Variants in SPOCK3 observed in about 807,000 individuals in gnomAD.
SPOCK3 encodes the protein SPARC (osteonectin), cwcv and kazal like domains proteoglycan 3, also known as testican-3.
Under a neutral mutation model 56.6 loss-of-function variants are expected in SPOCK3, and 30 were observed. That is an observed-to-expected ratio of 0.53 (90% confidence interval 0.40 to 0.72). The LOEUF (loss-of-function observed/expected upper bound fraction) is 0.72, where lower values mean the gene tolerates loss of function less well. Ranked by LOEUF, SPOCK3 falls within the 30% of genes least tolerant of loss-of-function variation. The pLI, the probability that SPOCK3 is intolerant of heterozygous loss-of-function variation, is 0.00. For synonymous variants in SPOCK3, 196 were observed against 183.3 expected, an observed-to-expected ratio of 1.07 and a Z score of -0.56; for missense variants, 527 against 530.0, an observed-to-expected ratio of 0.99 and a Z score of 0.06.
intron 6 of SPOCK3, among the ~76,000 whole-genome samples, chr4:166,865,408 A>G (rs894608063): frequency 5.9e-5 from 9 of 152,190 alleles, no homozygotes; most frequent in Admixed American, 3.3e-4. Context: ...CCTATTCAAC[A>G]TAGTATTGGA....
chr4:167,043,235 T>C (rs1753392746), intron 3 of SPOCK3, among the ~76,000 whole-genome samples: 1 of 152,066 alleles, frequency 6.6e-6, no homozygotes, highest in South Asian at 2.1e-4. Flanking sequence ...TCCTAGAGGG[T>C]ACTAATGTAA....
chr4:167,125,878 A>G (rs1762236494), intron 2 of SPOCK3, among the ~76,000 whole-genome samples: 1 of 152,100 alleles, frequency 6.6e-6, no homozygotes, highest in South Asian at 2.1e-4. Flanking sequence ...TTCATGTTCT[A>G]AGATGATCCC....
At chr4:167,061,247 C>A (rs1411280848) in intron 3 of SPOCK3, among the ~76,000 whole-genome samples, 2 of 151,942 alleles carry the variant, frequency 1.3e-5, no homozygotes, top group African/African-American at 4.8e-5. Flanking sequence ...GTTTGTGATT[C>A]TATCATAAAA....
intron 3 of SPOCK3, among the ~76,000 whole-genome samples, chr4:167,028,129 A>G (rs1302259256): frequency 2.0e-5 from 3 of 151,920 alleles, no homozygotes; most frequent in Non-Finnish European, 4.4e-5. Context: ...AAAATTTTGT[A>G]TCACTTAAGA....
intron 3 of SPOCK3, among the ~76,000 whole-genome samples, chr4:167,020,231 C>T (rs1309900798): frequency 6.6e-6 from 1 of 151,970 alleles, no homozygotes; most frequent in Non-Finnish European, 1.5e-5. Context: ...ATATGGAAAC[C>T]CATGCATTCA....
intron 3 of SPOCK3, among the ~76,000 whole-genome samples, chr4:167,003,871 C>T (rs746830162): frequency 2.6e-5 from 4 of 152,198 alleles, no homozygotes; most frequent in Non-Finnish European, 4.4e-5. Flanking sequence ...AGCGTCATTA[C>T]ATTCGCAGTG....
chr4:166,764,044 G>A (rs1737607767), intron 7 of SPOCK3, among the ~76,000 whole-genome samples: 1 of 151,978 alleles, frequency 6.6e-6, no homozygotes, highest in African/African-American at 2.4e-5. Context: ...TTGATGGTTT[G>A]GGGCCCTTGA....
intron 4 of SPOCK3, among the ~76,000 whole-genome samples, chr4:166,954,205 C>G (rs1192676277): frequency 6.6e-6 from 1 of 152,060 alleles, no homozygotes; most frequent in Non-Finnish European, 1.5e-5. Flanking sequence ...TGTATGTTAA[C>G]CCCTTATCAG....
chr4:166,741,479 T>A (rs1734839474), intron 9 of SPOCK3, among the ~76,000 whole-genome samples: 1 of 152,164 alleles, frequency 6.6e-6, no homozygotes. Flanking sequence ...ATCCAAACAT[T>A]CAAATATTTC....
intron 5 of SPOCK3, among the ~76,000 whole-genome samples, chr4:166,902,525 C>T (rs532172251): frequency 1.3e-4 from 19 of 151,686 alleles, no homozygotes; most frequent in African/African-American, 4.6e-4. Flanking sequence ...ACTCTATAGT[C>T]TATATATTCT....
At chr4:166,951,508 G>A (rs1742620559) in intron 4 of SPOCK3, among the ~76,000 whole-genome samples, 1 of 141,574 alleles carries the variant, frequency 7.1e-6, no homozygotes, top group South Asian at 2.2e-4. Flanking sequence ...GAGGTACAAA[G>A]AGGAACTGGT....
intron 6 of SPOCK3, among the ~76,000 whole-genome samples, chr4:166,818,376 C>G (rs780180263): frequency 7.2e-5 from 11 of 151,912 alleles, no homozygotes; most frequent in Non-Finnish European, 1.3e-4. Flanking sequence ...ATTCAAAACT[C>G]TTGTTTAGTA....
At chr4:167,044,339 G>T (rs1001254406) in intron 3 of SPOCK3, among the ~76,000 whole-genome samples, 56 of 151,450 alleles carry the variant, frequency 3.7e-4, no homozygotes, top group African/African-American at 1.1e-3. Flanking sequence ...TTTTTTCTTA[G>T]CCTGGCTAGA....
chr4:167,224,522 T>C (rs530601892), intron 2 of SPOCK3, among the ~76,000 whole-genome samples: 13 of 152,308 alleles, frequency 8.5e-5, no homozygotes, highest in African/African-American at 4.8e-5. Context: ...CGTTATTTGA[T>C]TGTTTAAAAT....
At chr4:167,077,064 A>G (rs977705804) in intron 2 of SPOCK3, among the ~76,000 whole-genome samples, 3 of 151,888 alleles carry the variant, frequency 2.0e-5, no homozygotes, top group African/African-American at 7.2e-5. Context: ...ATTGAGATCA[A>G]AATAAGAAGC....
chr4:166,788,114 G>A (rs886078045), intron 7 of SPOCK3, among the ~76,000 whole-genome samples: 13 of 152,032 alleles, frequency 8.6e-5, no homozygotes, highest in Admixed American at 1.3e-4. Flanking sequence ...CCCAGGAGGC[G>A]GAGGTTGCAG....
chr4:167,156,639 G>T (rs1764840128), intron 2 of SPOCK3, among the ~76,000 whole-genome samples: 1 of 152,076 alleles, frequency 6.6e-6, no homozygotes, highest in South Asian at 2.1e-4. Flanking sequence ...ATAAAGCAAA[G>T]AATTAGAAAA....
At chr4:166,742,224 GTCTATCTATCATCTATCTA>G (rs1734924262) in intron 8 of SPOCK3, among the ~76,000 whole-genome samples, 165 bp from the exon 9 acceptor site, 1 of 103,436 alleles carries the variant, frequency 9.7e-6, no homozygotes, top group African/African-American at 5.1e-5. Context: ...ACATACATGT[GTCTATCTATCATCTATCTA>G]TCTATCTATC....
At chr4:167,000,762 T>C (rs1748872043) in intron 3 of SPOCK3, among the ~76,000 whole-genome samples, 3 of 152,106 alleles carry the variant, frequency 2.0e-5, no homozygotes, top group Admixed American at 1.3e-4. Flanking sequence ...TACTGCCTTC[T>C]AAGCAGCAAA....
Sources: allele counts gnomAD v4.1 joint callset (sites outside exome capture counted in the v4.1 genomes callset), GRCh38; gene constraint gnomAD v4.1.1; transcripts MANE v1.5; gene names NCBI Gene and HGNC (gene_info 2026-07-23, HGNC 2026-07-21).